The following PKNOX1 variants were observed in gnomAD, a reference collection of about 807,000 sequenced individuals.
PKNOX1 encodes the protein PBX/knotted 1 homeobox 1.
In PKNOX1, 15 loss-of-function variants were observed where a neutral mutation model predicts 51.9. The observed-to-expected ratio is 0.29, with a 90% CI of 0.19 to 0.45. The LOEUF (loss-of-function observed/expected upper bound fraction) is 0.45, where lower values mean the gene tolerates loss of function less well. PKNOX1 is among the 20% of genes least tolerant of loss of function. The pLI is 1.00. For missense variants in PKNOX1, 462 were observed against 547.5 expected (o/e 0.84, Z 1.56); for synonymous variants, 219 against 211.1 (o/e 1.04, Z -0.32).
At chr21:43,007,762 C>T in intron 3 of PKNOX1, 144 bp downstream of exon 3, 1 of 862,446 alleles carries the variant, frequency 1.2e-6, no homozygotes, top group Non-Finnish European at 1.8e-6. Context: ...AAAATTTTCT[C>T]AGATTAAGAT....
chr21:43,029,190 C>T (rs546132805), intron 10 of PKNOX1, among the ~76,000 whole-genome samples: 51 of 152,280 alleles, frequency 3.3e-4, no homozygotes, highest in South Asian at 1.5e-3. Context: ...CTTTTCCCTC[C>T]GACGCCGGGT....
chr21:43,020,416 C>T (rs1672134), intron 7 of PKNOX1: 36,991 of 152,296 alleles, frequency 0.24, 4,866 homozygotes, highest in Non-Finnish European at 0.29. Flanking sequence ...GCCTGGAGCA[C>T]GGCCTTGTAA....
At chr21:43,007,460 G>A (rs752054879) in intron 2 of PKNOX1, 31 bp from the exon 3 acceptor site, 1 of 1,610,146 alleles carries the variant, frequency 6.2e-7, no homozygotes, top group South Asian at 1.1e-5. Context: ...GTTTGTGTTT[G>A]CTAATAAGAA....
rs76064267 is a variant in PKNOX1 at position 43,032,339 on chromosome 21, G to A, written c.*2238G>A. On this transcript the variant is annotated 3_prime_UTR_variant, in exon 11 of 11. Coordinates refer to ENST00000291547, the MANE Select transcript of PKNOX1 (RefSeq NM_004571.5). The stretch of plus-strand genomic sequence containing the variant: ...TTCCCTCACCACCCTCCGTCTCTTC[G>A]GCTGCTTGCTCTTTAGTGTAGATTA... 316 of 396,846 alleles carry A rather than the reference G, an allele frequency of 8.0e-4. No individual in the cohort carries two copies. Among genetic ancestry groups the A allele is most frequent in the African/African-American group, 6.2e-3 (300 of 48,460 alleles). The allele number at this position is 396,846 out of a possible 1,614,324, so 24.6% of individuals were successfully genotyped here.
At chr21:42,978,453 C>T (rs2059008719) in intron 1 of PKNOX1, among the ~76,000 whole-genome samples, 1 of 142,508 alleles carries the variant, frequency 7.0e-6, no homozygotes, top group Admixed American at 6.9e-5. Flanking sequence ...TTTGCATTTA[C>T]AACTTGGCTA....
In PKNOX1 at chr21:43,021,838, G is replaced by T. The variant is rs952956012; in HGVS notation, c.849+407G>T. Among the ~76,000 whole-genome samples, 17 of 152,230 alleles carry T rather than the reference G, an allele frequency of 1.1e-4. No homozygotes were observed. The highest frequency in any genetic ancestry group is 3.9e-4 in the African/African-American group (16 of 41,468). On this transcript the variant is annotated intron_variant, in intron 8 of 10. Coordinates refer to ENST00000291547, the MANE Select transcript of PKNOX1 (RefSeq NM_004571.5). This position sits in a 1 kb window ranked among gnomAD's most constrained non-coding sequence, Gnocchi z 4.6. ...CAGGGCCGGGTGCACCCACAGGTGG[G>T]CCACCGGGTGGGTGCCTTTAGCTGG...
At chr21:43,005,121 C>T (rs569070341) in intron 2 of PKNOX1, among the ~76,000 whole-genome samples, 2 of 152,310 alleles carry the variant, frequency 1.3e-5, no homozygotes, top group South Asian at 4.1e-4. Context: ...GTGTTCTGAA[C>T]CCACTGGCAT....
At chr21:43,003,259 C>T (rs555316043) in intron 1 of PKNOX1, among the ~76,000 whole-genome samples, 23 of 152,326 alleles carry the variant, frequency 1.5e-4, no homozygotes, top group Admixed American at 3.9e-4. Flanking sequence ...CCATGCCGGC[C>T]GTGGTCCAGC....
Position 42,999,074 on chromosome 21 carries a change from C to T in PKNOX1, c.-56-5252C>T, listed in dbSNP as rs59053719. 3.1e-3 allele frequency among the ~76,000 whole-genome samples: 476 copies of T among 152,356 alleles called. 4 individuals carry two copies. The highest frequency in any genetic ancestry group is 0.011 in the African/African-American group (448 of 41,588). ...GCCAACATCTGCCTGGACATCCAGG[C>T]ACTTCTGTATATTTTCTGAAATCTA... On this transcript the variant is annotated intron_variant, in intron 1 of 10. Coordinates refer to ENST00000291547, the MANE Select transcript of PKNOX1 (RefSeq NM_004571.5).
At chr21:42,975,372 G>C (rs79511505) in intron 1 of PKNOX1, among the ~76,000 whole-genome samples, 5,334 of 152,068 alleles carry the variant, frequency 0.035, 135 homozygotes, top group Middle Eastern at 0.062. Flanking sequence ...GCTGACGGCA[G>C]TGTTTGGGGC....
chr21:43,005,223 A>C (rs1601287829), intron 2 of PKNOX1, among the ~76,000 whole-genome samples: 1 of 151,408 alleles, frequency 6.6e-6, no homozygotes, highest in Admixed American at 6.6e-5. Flanking sequence ...AGTGCAGTAC[A>C]CCCCCCTCGG....
chr21:43,028,918 G>A, intron 10 of PKNOX1, 44 bp downstream of exon 10: 1 of 1,597,886 alleles, frequency 6.3e-7, no homozygotes, highest in Non-Finnish European at 8.6e-7. Flanking sequence ...ACCATGGGGT[G>A]GGGATTATGA....
chr21:43,013,756 C>T (rs1026368897), intron 5 of PKNOX1, among the ~76,000 whole-genome samples: 1 of 152,104 alleles, frequency 6.6e-6, no homozygotes, highest in Non-Finnish European at 1.5e-5. Context: ...TCTGTGAATT[C>T]GATGACTCCA....
chr21:42,984,242 T>C (rs1173600604), intron 1 of PKNOX1, among the ~76,000 whole-genome samples: 1 of 152,030 alleles, frequency 6.6e-6, no homozygotes, highest in Non-Finnish European at 1.5e-5. Flanking sequence ...TGCCTGGCTA[T>C]GTTCATACGT....
intron 8 of PKNOX1, among the ~76,000 whole-genome samples, chr21:43,022,051 G>A (rs982410301): frequency 1.3e-5 from 2 of 152,258 alleles, no homozygotes; most frequent in African/African-American, 4.8e-5. Context: ...CTGCCAGCCT[G>A]CTGATCCAGG....
chr21:43,019,839 G>A (rs1979676743), intron 7 of PKNOX1, among the ~76,000 whole-genome samples: 1 of 151,582 alleles, frequency 6.6e-6, no homozygotes, highest in East Asian at 1.9e-4. Context: ...ACTGCACCCA[G>A]CTCTCAAGAA....
In PKNOX1 at chr21:42,981,584, G is replaced by A. The variant is rs116405226; in HGVS notation, c.-57+6920G>A. ...TTTAATTTTATTTTATTTTGAGATA[G>A]GGTCTCACTTTTTCACCCAGGCTGG... On this transcript the variant is annotated intron_variant, in intron 1 of 10. Coordinates refer to ENST00000291547, the MANE Select transcript of PKNOX1 (RefSeq NM_004571.5). Among the ~76,000 whole-genome samples, 470 of 152,034 alleles carry A rather than the reference G, an allele frequency of 3.1e-3. 2 individuals are homozygous for A. The highest frequency in any genetic ancestry group is 0.011 in the African/African-American group (448 of 41,452).
At position 43,012,953 on chromosome 21, in the gene PKNOX1, G is replaced by A. The variant is rs910760048; in HGVS notation, c.352-115G>A. ...AGGATTTCTGATGTTATTCCACTTT[G>A]GTTATTGGCAGTAGAGATGGTTCTA... On this transcript the variant is annotated intron_variant, in intron 4 of 10. Transcript: ENST00000291547. 2.6e-5 allele frequency: 20 copies of A among 756,848 alleles called. No homozygotes were observed. The South Asian group carries it at 2.9e-4, about 11-fold the overall frequency. The allele number at this position is 756,848 out of a possible 1,614,324, so 46.9% of individuals were successfully genotyped here. A position where few individuals can be genotyped will look rare whatever the true frequency, so the allele number is the denominator to read the frequency against.
At chr21:43,024,347 G>A (rs1979897168) in intron 8 of PKNOX1, 1 of 152,246 alleles carries the variant, frequency 6.6e-6, no homozygotes, top group Non-Finnish European at 1.5e-5. Context: ...GTAAAATAAA[G>A]ACACTGACAG....
Sources: allele counts gnomAD v4.1 joint callset (sites outside exome capture counted in the v4.1 genomes callset), GRCh38; gene constraint gnomAD v4.1.1; non-coding constraint Gnocchi (gnomAD v3.1); transcripts MANE v1.5; gene names NCBI Gene and HGNC (gene_info 2026-07-23, HGNC 2026-07-21).